TMEM182: variants seen among roughly 807,000 people sequenced by gnomAD.
TMEM182 encodes transmembrane protein 182.
In TMEM182, 20 loss-of-function variants were observed where a neutral mutation model predicts 26.8. The observed-to-expected ratio is 0.75, with a 90% confidence interval of 0.53 to 1.09. The LOEUF (loss-of-function observed/expected upper bound fraction) is 1.09, where lower values mean the gene tolerates loss of function less well. Ranked by LOEUF, TMEM182 falls within the 50% of genes least tolerant of loss-of-function variation. The probability of loss-of-function intolerance (pLI) is 0.00; values close to 1 mark genes in which losing one functional copy is unlikely to be tolerated. For synonymous variants in TMEM182, 109 were observed against 102.2 expected (o/e 1.07, Z -0.40); for missense variants, 277 against 275.5 (o/e 1.01, Z -0.04).
At chr2:102,798,415 A>T (rs1483848056) in intron 4 of TMEM182, among the ~76,000 whole-genome samples, 1 of 152,214 alleles carries the variant, frequency 6.6e-6, no homozygotes, top group Non-Finnish European at 1.5e-5. Context: ...ACATATCAGC[A>T]TATGATATGG....
chr2:102,831,922 G>A (rs1262956263), intron 3 of TMEM182, among the ~76,000 whole-genome samples: 6 of 152,190 alleles, frequency 3.9e-5, no homozygotes, highest in Non-Finnish European at 7.3e-5. Context: ...TTGTGACAAT[G>A]TTCTTTCTTT....
rs188987635 is a variant in TMEM182, at chr2:102,809,830, C to A, written c.470-4918C>A. ...GTGCAGCCTTTACGTAGAAAAAGGACGATTTTGTTTTCTGATTCTAGTTTA... is the reference window on the plus strand; with the variant it reads ...GTGCAGCCTTTACGTAGAAAAAGGAAGATTTTGTTTTCTGATTCTAGTTTA... On this transcript the variant is annotated intron_variant, in intron 4 of 4. Transcript: ENST00000412401. 2.6e-5 allele frequency among the ~76,000 whole-genome samples: 4 copies of A among 152,284 alleles called. No homozygotes were observed. The South Asian group carries it at 8.3e-4, about 32-fold the overall frequency.
upstream of TMEM182, among the ~76,000 whole-genome samples, chr2:102,757,088 G>A (rs1026706924): frequency 2.0e-5 from 3 of 152,122 alleles, no homozygotes; most frequent in African/African-American, 7.2e-5. Context: ...GGGATTACAG[G>A]TGTGAGCCAC....
intron 3 of TMEM182, among the ~76,000 whole-genome samples, chr2:102,770,185 G>A (rs558421020): frequency 2.0e-5 from 3 of 152,262 alleles, no homozygotes; most frequent in South Asian, 2.1e-4. Context: ...ACAAGTCAGC[G>A]AGCAGTCTGG....
At chr2:102,797,058 T>A (rs1296837736) in intron 3 of TMEM182, among the ~76,000 whole-genome samples, 1 of 152,214 alleles carries the variant, frequency 6.6e-6, no homozygotes, top group Non-Finnish European at 1.5e-5. Flanking sequence ...AAAATGATCG[T>A]TAGAATTCCT....
At chr2:102,795,398 A>G (rs1681826254) in intron 3 of TMEM182, among the ~76,000 whole-genome samples, 1 of 152,238 alleles carries the variant, frequency 6.6e-6, no homozygotes, top group Non-Finnish European at 1.5e-5. Context: ...TGGAGAATTC[A>G]CTGTTAAAAT....
intron 1 of TMEM182, among the ~76,000 whole-genome samples, chr2:102,749,025 CA>C (rs1237858359): frequency 9.9e-5 from 15 of 152,194 alleles, no homozygotes; most frequent in African/African-American, 3.6e-4. Flanking sequence ...TGGATTTATG[CA>C]TTTTAAATGC....
chr2:102,762,840 C>A lies in TMEM182; in HGVS notation c.232+154C>A, dbSNP rs17027923. On this transcript the variant is annotated intron_variant, in intron 2 of 4. Transcript: ENST00000412401. The stretch of plus-strand genomic sequence containing the variant: ...GGTTCATCATGTAGAGATTCCTTTT[C>A]AGTAAGTAGACATGGCTATAGGAAT... Among the ~76,000 whole-genome samples, 23,430 of 152,156 alleles carry A rather than the reference C, an allele frequency of 0.15. 1,936 individuals carry two copies. Among genetic ancestry groups the A allele is most frequent in the East Asian group, 0.2 (1,018 of 5,178 alleles).
intron 3 of TMEM182, among the ~76,000 whole-genome samples, chr2:102,793,029 G>A (rs376345204): frequency 4.6e-5 from 7 of 152,128 alleles, no homozygotes; most frequent in East Asian, 3.9e-4. Context: ...TTCCTCTGCC[G>A]TCTGTGTGAC....
chr2:102,801,947 T>C (rs1311806032), intron 4 of TMEM182, among the ~76,000 whole-genome samples: 1 of 152,182 alleles, frequency 6.6e-6, no homozygotes, highest in Non-Finnish European at 1.5e-5. Flanking sequence ...TGACCATTTG[T>C]TTACCAAGAG....
intron 4 of TMEM182, among the ~76,000 whole-genome samples, chr2:102,802,150 A>G (rs957069074): frequency 6.6e-6 from 1 of 152,188 alleles, no homozygotes; most frequent in Non-Finnish European, 1.5e-5. Flanking sequence ...TTTTGGGCAG[A>G]TGGTGTTAGG....
At chr2:102,811,076 A>AAG (rs1209382890) in intron 4 of TMEM182, among the ~76,000 whole-genome samples, 14 of 151,802 alleles carry the variant, frequency 9.2e-5, no homozygotes, top group Admixed American at 7.9e-4. Flanking sequence ...AAAAAAAAAA[A>AAG]AAAAAATTCT....
chr2:102,807,031 A>C (rs1682376017), intron 4 of TMEM182, among the ~76,000 whole-genome samples: 2 of 152,224 alleles, frequency 1.3e-5, no homozygotes. Context: ...GGAAATAGGT[A>C]AACCCCCATG....
intron 3 of TMEM182, among the ~76,000 whole-genome samples, chr2:102,768,181 A>G (rs1419126692): frequency 6.6e-6 from 1 of 152,070 alleles, no homozygotes; most frequent in Non-Finnish European, 1.5e-5. Context: ...TTGTTCATAT[A>G]CTTTTTTTCT....
intron 3 of TMEM182, chr2:102,834,393 C>T: frequency 1.0e-6 from 1 of 985,192 alleles, no homozygotes; most frequent in Non-Finnish European, 1.2e-6. Flanking sequence ...CTCTTGGGAT[C>T]CTCTGCTGTA....
At chr2:102,811,317 A>G (rs1319782363) in intron 4 of TMEM182, among the ~76,000 whole-genome samples, 1 of 152,152 alleles carries the variant, frequency 6.6e-6, no homozygotes, top group East Asian at 1.9e-4. Flanking sequence ...CATCCCATCA[A>G]GTGATGTGTG....
intron 3 of TMEM182, among the ~76,000 whole-genome samples, chr2:102,779,827 T>A (rs1429964560): frequency 1.3e-5 from 2 of 152,058 alleles, no homozygotes; most frequent in Non-Finnish European, 2.9e-5. Flanking sequence ...TGAAACACCC[T>A]CTCTACTAAA....
intron 4 of TMEM182, 117 bp downstream of exon 4, chr2:102,798,117 A>C (rs889416736): frequency 7.7e-7 from 1 of 1,300,958 alleles, no homozygotes; most frequent in Non-Finnish European, 1.0e-6. Flanking sequence ...TAATATTTGT[A>C]TACAATACTT....
At position 102,762,195 on chromosome 2, in the gene TMEM182, A is replaced by G. The variant is rs765915112; in HGVS notation, c.-23A>G. 13 of 1,591,768 alleles carry G rather than the reference A, an allele frequency of 8.2e-6. No homozygotes were observed. Among genetic ancestry groups the G allele is most frequent in the South Asian group, 1.1e-5 (1 of 88,856 alleles). On this transcript the variant is annotated 5_prime_UTR_variant, in exon 1 of 5. Coordinates refer to ENST00000412401, the MANE Select transcript of TMEM182 (RefSeq NM_144632.5). ...CATTTTAAAATTTCATATTTTATTT[A>G]AAAGGAAACCAGTGAATTGAAAATG...
Sources: gnomAD v4.1 joint callset for allele counts (sites outside exome capture counted in the v4.1 genomes callset) on GRCh38, gnomAD v4.1.1 for gene constraint, MANE v1.5 for transcripts, NCBI Gene and HGNC (gene_info 2026-07-23, HGNC 2026-07-21) for gene names.